SAMD4A: variants seen among roughly 807,000 people sequenced by gnomAD.
The protein encoded by SAMD4A is protein Smaug homolog 1.
In SAMD4A, 33 loss-of-function variants were observed where a neutral mutation model predicts 81.3. That is an observed-to-expected ratio of 0.41 (90% CI 0.31 to 0.54). SAMD4A has a LOEUF of 0.54. Ranked by LOEUF, SAMD4A falls within the 20% of genes least tolerant of loss-of-function variation. The pLI is 0.37. For synonymous variants in SAMD4A, 389 were observed against 382.1 expected (o/e 1.02, Z -0.21); for missense variants, 854 against 951.1 (o/e 0.90, Z 1.34).
At chr14:54,669,449 T>TC (rs1223081237) in intron 2 of SAMD4A, among the ~76,000 whole-genome samples, 5 of 144,938 alleles carry the variant, frequency 3.4e-5, no homozygotes, top group Non-Finnish European at 6.1e-5. Flanking sequence ...TTCTTTCTTT[T>TC]TTTTTTTTTT....
At chr14:54,761,641 T>A (rs1255868021) in intron 7 of SAMD4A, among the ~76,000 whole-genome samples, 1 of 152,258 alleles carries the variant, frequency 6.6e-6, no homozygotes, top group Non-Finnish European at 1.5e-5. Context: ...GACACAGCAC[T>A]GCTAGCACTC....
rs1212264117 is a variant in SAMD4A at position 54,723,990 on chromosome 14, TTGGATGGA to T, written c.716-13021_716-13014del. On this transcript the variant is annotated intron_variant, in intron 3 of 12. Coordinates refer to ENST00000554335, the MANE Select transcript of SAMD4A (RefSeq NM_015589.6). ...ACACCAGGCAGATGCTCAGCAAATA[TTGGATGGA>T]TGGATGGATGGAAGGAAGGAAGGAA... Among the ~76,000 whole-genome samples, 186 of 88,428 alleles carry T rather than the reference TTGGATGGA, an allele frequency of 2.1e-3. 4 individuals carry two copies. The highest frequency in any genetic ancestry group is 9.5e-3 in the Middle Eastern group (2 of 210). 58.0% of individuals were successfully genotyped at this position (88,428 alleles called of 152,430 possible). A position where few individuals can be genotyped will look rare whatever the true frequency, so the allele number is the denominator to read the frequency against.
Position 54,576,001 on chromosome 14 carries a change from C to CTTTTT in SAMD4A, c.196+7922_196+7926dup, listed in dbSNP as rs57819180. 1.4e-3 allele frequency among the ~76,000 whole-genome samples: 115 copies of CTTTTT among 79,980 alleles called. 13 individuals are homozygous for CTTTTT. Among genetic ancestry groups the CTTTTT allele is most frequent in the East Asian group, 5.5e-3 (11 of 1,986 alleles). The allele number at this position is 79,980 out of a possible 152,430, so 52.5% of individuals were successfully genotyped here. A position where few individuals can be genotyped will look rare whatever the true frequency, so the allele number is the denominator to read the frequency against. Reference sequence around the variant, plus strand: ...CCAGGAAAGATTTCTTTCTTTCTTTCTTTTTTTTTTTTTTTTTTTTTTTTT... The same window carrying CTTTTT: ...CCAGGAAAGATTTCTTTCTTTCTTTCTTTTTTTTTTTTTTTTTTTTTTTTTTTTTT... On this transcript the variant is annotated intron_variant, in intron 2 of 12. Transcript: ENST00000554335.
intron 7 of SAMD4A, among the ~76,000 whole-genome samples, chr14:54,761,622 G>A (rs1399637773): frequency 6.6e-6 from 1 of 152,218 alleles, no homozygotes; most frequent in Non-Finnish European, 1.5e-5. Flanking sequence ...ATGGTGCCCT[G>A]TCTGGGTGGA....
At chr14:54,649,961 T>C (rs911548338) in intron 2 of SAMD4A, among the ~76,000 whole-genome samples, 1 of 152,214 alleles carries the variant, frequency 6.6e-6, no homozygotes, top group Non-Finnish European at 1.5e-5. Flanking sequence ...GGCATTGGAA[T>C]GTTTACTTTT....
At chr14:54,709,324 A>G (rs2036933459) in intron 3 of SAMD4A, among the ~76,000 whole-genome samples, 1 of 134,292 alleles carries the variant, frequency 7.4e-6, no homozygotes, top group Admixed American at 6.9e-5. Flanking sequence ...AGAAAAAAAT[A>G]GGTGCTATAG....
intron 2 of SAMD4A, among the ~76,000 whole-genome samples, chr14:54,634,057 G>A (rs1402862116): frequency 6.6e-6 from 1 of 152,106 alleles, no homozygotes; most frequent in Admixed American, 6.6e-5. Flanking sequence ...CAGCACAGGT[G>A]GGCAGATCAT....
chr14:54,760,234 C>T lies in SAMD4A; in HGVS notation c.1250C>T (p.Ala417Val), dbSNP rs545187157. Residue 417 changes from alanine (A) to valine (V), a missense_variant, in exon 7 of 13, where the codon GCC becomes GTC. Around this residue, in one of 3 missense-constraint regions of SAMD4A, gnomAD observed 428 missense variants for 471.2 expected, o/e 0.91. Transcript: ENST00000554335. ...LHQMILTPIKAYSSPSTTPEA... is the reference protein window; with the variant it reads ...LHQMILTPIKVYSSPSTTPEA... ...CAGATGATCCTGACTCCGATCAAGG[C>T]CTACAGCTCCCCGAGCACCACCCCC... The T allele has an allele frequency of 1.2e-6, 2 of 1,613,378 alleles. No individual in the cohort carries two copies. The highest frequency in any genetic ancestry group is 1.1e-5 in the South Asian group (1 of 91,010).
intron 3 of SAMD4A, among the ~76,000 whole-genome samples, chr14:54,726,516 G>A (rs2037419012): frequency 6.6e-6 from 1 of 152,152 alleles, no homozygotes; most frequent in East Asian, 1.9e-4. Flanking sequence ...AACAAAACAA[G>A]ATGCTCATTC....
At chr14:54,653,711 G>A (rs900711174) in intron 2 of SAMD4A, among the ~76,000 whole-genome samples, 6 of 152,022 alleles carry the variant, frequency 3.9e-5, no homozygotes, top group Admixed American at 2.0e-4. Context: ...GCAATAATTG[G>A]ATCAGAATTT....
intron 2 of SAMD4A, among the ~76,000 whole-genome samples, chr14:54,577,932 G>A (rs745938288): frequency 1.2e-4 from 19 of 152,206 alleles, no homozygotes; most frequent in Non-Finnish European, 2.8e-4. Flanking sequence ...ATTTAGCTCA[G>A]AGTAGAGAAA....
At chr14:54,620,395 G>A (rs1050480938) in intron 2 of SAMD4A, among the ~76,000 whole-genome samples, 1 of 151,942 alleles carries the variant, frequency 6.6e-6, no homozygotes, top group Non-Finnish European at 1.5e-5. Context: ...TCAAAACTAG[G>A]TCAGTAGGAT....
At chr14:54,566,007 G>T (rs1024874087), upstream of SAMD4A, among the ~76,000 whole-genome samples, 2 of 151,772 alleles carry the variant, frequency 1.3e-5, no homozygotes, top group Non-Finnish European at 2.9e-5. Flanking sequence ...CGTCGCCGCC[G>T]CCCGGGTTCC....
intron 2 of SAMD4A, among the ~76,000 whole-genome samples, chr14:54,618,103 A>G (rs1032997944): frequency 6.6e-6 from 1 of 152,244 alleles, no homozygotes; most frequent in African/African-American, 2.4e-5. Context: ...AGAATAAAAT[A>G]TTAAATACTC....
intron 7 of SAMD4A, among the ~76,000 whole-genome samples, chr14:54,763,287 A>C (rs1344767465): frequency 6.6e-6 from 1 of 151,978 alleles, no homozygotes; most frequent in Non-Finnish European, 1.5e-5. Flanking sequence ...GGCCAAAGTG[A>C]ATCACTTGAG....
chr14:54,785,268 C>G (rs1267366938), intron 12 of SAMD4A, among the ~76,000 whole-genome samples: 3 of 152,230 alleles, frequency 2.0e-5, no homozygotes, highest in African/African-American at 7.2e-5. Context: ...GGGCTGTGGC[C>G]CCACAAGCAG....
chr14:54,710,631 A>T (rs890926676), intron 3 of SAMD4A, among the ~76,000 whole-genome samples: 1 of 152,132 alleles, frequency 6.6e-6, no homozygotes, highest in East Asian at 1.9e-4. Context: ...GGCCCCATAC[A>T]GACCCTCCAG....
chr14:54,781,594 T>C (rs1434125122), intron 11 of SAMD4A, among the ~76,000 whole-genome samples: 1 of 152,218 alleles, frequency 6.6e-6, no homozygotes, highest in African/African-American at 2.4e-5. Flanking sequence ...CAGAGGAGGC[T>C]CAGTTAAAGA....
Position 54,702,543 on chromosome 14 carries a change from C to T in SAMD4A, c.678C>T (p.Pro226=). The T allele has an allele frequency of 6.2e-7, 1 of 1,614,140 alleles. No individual in the cohort carries two copies. The highest frequency in any genetic ancestry group is 8.5e-7 in the Non-Finnish European group (1 of 1,180,000). ...CCCTCTACTCCTCCTCATCTGTCCC[C>T]ACCACAATCAATACGATTGGAACCA... The part of the protein sequence containing the change: ...HVPLYSSSSV[P]TTINTIGTST... Residue 226 remains proline (P), a synonymous_variant, in exon 3 of 13, where the codon CCC becomes CCT. Transcript: ENST00000554335.
Sources: allele counts gnomAD v4.1 joint callset (sites outside exome capture counted in the v4.1 genomes callset), GRCh38; gene constraint gnomAD v4.1.1; regional missense constraint gnomAD v4.1.1; transcripts MANE v1.5; gene names NCBI Gene and HGNC (gene_info 2026-07-23, HGNC 2026-07-21).